AHCYL2: variants seen among roughly 807,000 people sequenced by gnomAD.
AHCYL2 encodes the protein adenosylhomocysteinase like 2.
In AHCYL2, 28 loss-of-function variants were observed where a neutral mutation model predicts 81.4. That is an observed-to-expected ratio of 0.34 (90% CI 0.25 to 0.47). The LOEUF (loss-of-function observed/expected upper bound fraction) is 0.47, where lower values mean the gene tolerates loss of function less well. Among genes scored for constraint, AHCYL2 ranks in the 20% least tolerant of loss-of-function variants. AHCYL2 has a pLI of 1.00. For synonymous variants in AHCYL2, 272 were observed against 290.2 expected, an observed-to-expected ratio of 0.94 and a Z score of 0.64; for missense variants, 551 against 785.1, an observed-to-expected ratio of 0.70 and a Z score of 3.56.
intron 1 of AHCYL2, among the ~76,000 whole-genome samples, chr7:129,329,363 T>C (rs1383578880): frequency 6.6e-6 from 1 of 152,056 alleles, no homozygotes; most frequent in Non-Finnish European, 1.5e-5. Context: ...TTTTATTTTT[T>C]GTACAAATAA....
In AHCYL2 at chr7:129,225,372, G is replaced by A. The variant is rs1012143474; in HGVS notation, c.296G>A (p.Arg99His). The A allele has an allele frequency of 1.3e-6, 2 of 1,516,090 alleles. No individual in the cohort carries two copies. 93.9% of individuals were successfully genotyped at this position (1,516,090 alleles called of 1,614,324 possible). A position where few individuals can be genotyped will look rare whatever the true frequency, so the allele number is the denominator to read the frequency against. The change falls in exon 1 of 17, where the codon CGC (arginine) becomes CAC (histidine). Residue 99 changes from arginine (R) to histidine (H), a missense_variant. By Grantham distance (29) the Arg-to-His change is conservative. Around this residue, in one of 2 missense-constraint regions of AHCYL2, gnomAD observed 235 missense variants for 242.1 expected, o/e 0.97. Coordinates refer to ENST00000325006, the MANE Select transcript of AHCYL2 (RefSeq NM_015328.4). ...SDPHHQHQRH[R>H]DGGEALVSPD... is the part of the protein sequence containing the mutation. The stretch of plus-strand genomic sequence containing the variant: ...CCACATCACCAGCACCAGCGGCACC[G>A]CGACGGCGGCGAGGCCCTGGTCAGC...
At chr7:129,240,261 T>C (rs916174090) in intron 1 of AHCYL2, among the ~76,000 whole-genome samples, 6 of 150,948 alleles carry the variant, frequency 4.0e-5, no homozygotes, top group Non-Finnish European at 5.9e-5. Context: ...CAGAGAGTCT[T>C]CTCCATGGTT....
chr7:129,394,668 C>T (rs2150915776), intron 4 of AHCYL2, among the ~76,000 whole-genome samples: 1 of 152,170 alleles, frequency 6.6e-6, no homozygotes, highest in South Asian at 2.1e-4. Context: ...TGGTCTCAAA[C>T]TCCCGACCCC....
At chr7:129,383,338 T>A (rs554494185) in intron 2 of AHCYL2, among the ~76,000 whole-genome samples, 7 of 152,062 alleles carry the variant, frequency 4.6e-5, no homozygotes, top group African/African-American at 7.2e-5. Context: ...GCTAATTTTT[T>A]AAAATTTTTT....
intron 1 of AHCYL2, among the ~76,000 whole-genome samples, chr7:129,248,570 T>C (rs1795139849): frequency 6.6e-6 from 1 of 151,578 alleles, no homozygotes; most frequent in East Asian, 1.9e-4. Flanking sequence ...GCAGAACCCA[T>C]GGATATGAGG....
chr7:129,225,064 A>G lies in AHCYL2; in HGVS notation c.-13A>G, dbSNP rs748718811. On this transcript the variant is annotated 5_prime_UTR_variant, in exon 1 of 17. Transcript: ENST00000325006. ...AGCTGGAGTCTGAGCCGGTGGTTGC[A>G]GCGGAGGCGGTGATGTCGGTGCAGG... 6 of 1,581,386 alleles carry G rather than the reference A, an allele frequency of 3.8e-6. No homozygotes were observed. The highest frequency in any genetic ancestry group is 3.6e-5 in the Admixed American group (2 of 55,296).
At chr7:129,389,288 T>G in intron 3 of AHCYL2, 89 bp downstream of exon 3, 1 of 1,509,168 alleles carries the variant, frequency 6.6e-7, no homozygotes, top group Non-Finnish European at 9.1e-7. Flanking sequence ...TCTGGTAGCT[T>G]GTGAAATTTC....
At chr7:129,285,619 G>A (rs1053205693) in intron 1 of AHCYL2, among the ~76,000 whole-genome samples, 1 of 151,806 alleles carries the variant, frequency 6.6e-6, no homozygotes, top group South Asian at 2.1e-4. Context: ...TGACCTTGTA[G>A]AATCCATGTG....
intron 1 of AHCYL2, among the ~76,000 whole-genome samples, chr7:129,293,137 CAG>C (rs1563184072): frequency 7.1e-5 from 5 of 70,198 alleles, no homozygotes; most frequent in African/African-American, 2.2e-4. Context: ...TCAGTGAAGA[CAG>C]AGTTTTTGGG....
chr7:129,376,640 A>G (rs1266867329), intron 1 of AHCYL2, among the ~76,000 whole-genome samples: 1 of 152,220 alleles, frequency 6.6e-6, no homozygotes, highest in Admixed American at 6.5e-5. Context: ...TGAGCCTACA[A>G]TCTAGAGTAT....
In AHCYL2 at chr7:129,291,852, G is replaced by A. The variant is rs181596952; in HGVS notation, c.363+66413G>A. ...AATCTCCTGACCTCATGATCCGCCC[G>A]CCTCAGCCTCCCAAAGTGCTAGGAT... On this transcript the variant is annotated intron_variant, in intron 1 of 16. Transcript: ENST00000325006. Among the ~76,000 whole-genome samples, 517 of 152,024 alleles carry A rather than the reference G, an allele frequency of 3.4e-3. 2 individuals are homozygous for A. The highest frequency in any genetic ancestry group is 0.012 in the African/African-American group (499 of 41,468).
chr7:129,370,424 C>T lies in AHCYL2; in HGVS notation c.364-9214C>T, dbSNP rs112226876. 7.7e-3 allele frequency among the ~76,000 whole-genome samples: 1,170 copies of T among 151,950 alleles called. 18 individuals carry two copies. The highest frequency in any genetic ancestry group is 0.035 in the South Asian group (167 of 4,816). On this transcript the variant is annotated intron_variant, in intron 1 of 16. Transcript: ENST00000325006. The stretch of plus-strand genomic sequence containing the variant: ...AAATAAAAAAATTTGCAGCCGGGTG[C>T]GGTGGCTCACGCCTGTAATCCCAGC...
intron 4 of AHCYL2, among the ~76,000 whole-genome samples, chr7:129,393,439 G>C (rs1409616572): frequency 1.3e-5 from 2 of 151,974 alleles, no homozygotes; most frequent in Admixed American, 1.3e-4. Flanking sequence ...AATAAAAATA[G>C]AATTAATATG....
At chr7:129,238,573 TATAAGCA>T (rs1344178512) in intron 1 of AHCYL2, among the ~76,000 whole-genome samples, 1 of 152,114 alleles carries the variant, frequency 6.6e-6, no homozygotes, top group African/African-American at 2.4e-5. Flanking sequence ...TGTAGTTTGA[TATAAGCA>T]ATACTGGAAA....
intron 1 of AHCYL2, among the ~76,000 whole-genome samples, chr7:129,272,879 T>C (rs994242916): frequency 1.3e-5 from 2 of 152,138 alleles, no homozygotes; most frequent in Non-Finnish European, 2.9e-5. Context: ...TTCTCATCTC[T>C]AGTTGCTTCA....
chr7:129,286,903 C>T (rs777649669), intron 1 of AHCYL2, among the ~76,000 whole-genome samples: 61 of 151,736 alleles, frequency 4.0e-4, no homozygotes, highest in Non-Finnish European at 6.5e-4. Flanking sequence ...GCTATAAACC[C>T]GCCATGTGTT....
intron 1 of AHCYL2, among the ~76,000 whole-genome samples, chr7:129,272,161 T>G (rs767639170): frequency 6.6e-6 from 1 of 152,184 alleles, no homozygotes; most frequent in Non-Finnish European, 1.5e-5. Flanking sequence ...CCAAGCCAGA[T>G]GGAGAGGCTC....
intron 1 of AHCYL2, among the ~76,000 whole-genome samples, chr7:129,284,510 A>C (rs1796558115): frequency 6.6e-6 from 1 of 151,844 alleles, no homozygotes; most frequent in Admixed American, 6.6e-5. Flanking sequence ...GAGGCAGGAG[A>C]ATCGCTGGAA....
intron 1 of AHCYL2, among the ~76,000 whole-genome samples, chr7:129,266,799 T>C (rs1432915238): frequency 6.6e-6 from 1 of 152,214 alleles, no homozygotes; most frequent in Non-Finnish European, 1.5e-5. Flanking sequence ...CTATCACTTA[T>C]TCAAATTAGA....
Sources: gnomAD v4.1 joint callset for allele counts (sites outside exome capture counted in the v4.1 genomes callset) on GRCh38, gnomAD v4.1.1 for gene constraint, gnomAD v4.1.1 regional missense constraint, MANE v1.5 for transcripts, NCBI Gene and HGNC (gene_info 2026-07-23, HGNC 2026-07-21) for gene names.